RBM47: variants seen among roughly 807,000 people sequenced by gnomAD.
RBM47 encodes RNA-binding protein 47.
Under a neutral mutation model 47.1 loss-of-function variants are expected in RBM47, and 21 were observed. That is an observed-to-expected ratio of 0.45 (90% confidence interval 0.32 to 0.64). The LOEUF is 0.64. Among genes scored for constraint, RBM47 ranks in the 30% least tolerant of loss-of-function variants. The pLI is 0.05. For missense variants in RBM47, 708 were observed against 870.9 expected, an observed-to-expected ratio of 0.81 and a Z score of 2.35; for synonymous variants, 375 against 361.7, an observed-to-expected ratio of 1.04 and a Z score of -0.42.
rs1168654841 is a variant in RBM47 at position 40,520,440 on chromosome 4, T to C, written c.-155+23982A>G. On this transcript the variant is annotated intron_variant, in intron 2 of 6. Transcript: ENST00000295971. Reference sequence around the variant, plus strand: ...TGTGTCTCTGGGGAGTGCTGCTCTATCGCCCCAGGCCTATTCCAAAGCATC... The same window carrying C: ...TGTGTCTCTGGGGAGTGCTGCTCTACCGCCCCAGGCCTATTCCAAAGCATC... Among the ~76,000 whole-genome samples the C allele has an allele frequency of 3.3e-5, 5 of 152,034 alleles. No individual in the cohort carries two copies. In the East Asian group the frequency reaches 7.7e-4, roughly 23 times the overall value.
In RBM47 at chr4:40,437,989, T is replaced by C. The variant is rs777068193; in HGVS notation, c.905A>G (p.Asn302Ser). 1.9e-5 allele frequency: 31 copies of C among 1,613,424 alleles called. No individual in the cohort carries two copies. The highest frequency in any genetic ancestry group is 3.3e-4 in the Middle Eastern group (2 of 6,084). The change falls in exon 4 of 7, where the codon AAC (asparagine) becomes AGC (serine). Residue 302 changes from asparagine (N) to serine (S), a missense_variant. Transcript: ENST00000295971. ...GCACGAGCCCTCCAGCTCAGTGCCG[T>C]TGAGGTTGTTCATGGCATGCACGGC... The part of the protein sequence containing the change: ...EDAVHAMNNL[N>S]GTELEGSCLE...
chr4:40,495,216 A>G (rs1049050487), intron 2 of RBM47, among the ~76,000 whole-genome samples: 1 of 152,188 alleles, frequency 6.6e-6, no homozygotes, highest in African/African-American at 2.4e-5. Flanking sequence ...GGATGGGATG[A>G]CCGAGGTCCC....
chr4:40,577,922 G>A (rs1732495959), intron 1 of RBM47, among the ~76,000 whole-genome samples: 1 of 152,168 alleles, frequency 6.6e-6, no homozygotes, highest in African/African-American at 2.4e-5. Context: ...GAGATGGGAA[G>A]ATGGCTTGAG....
chr4:40,497,054 A>AAG (rs1271446521), intron 2 of RBM47, among the ~76,000 whole-genome samples: 1,668 of 150,032 alleles, frequency 0.011, 45 homozygotes, highest in African/African-American at 0.037. Context: ...AAAAAAAAAA[A>AAG]AAAGAAAGAA....
At chr4:40,592,966 T>C (rs1247357060) in intron 1 of RBM47, among the ~76,000 whole-genome samples, 2 of 18,194 alleles carry the variant, frequency 1.1e-4, no homozygotes, top group Admixed American at 8.6e-4. Context: ...TATATATATA[T>C]ATATATATAT....
At chr4:40,563,425 T>C (rs1730816112) in intron 1 of RBM47, among the ~76,000 whole-genome samples, 1 of 105,610 alleles carries the variant, frequency 9.5e-6, no homozygotes. Flanking sequence ...AATCAAACTC[T>C]GTGCTTGTAT....
In RBM47 at chr4:40,432,666, C is replaced by A; in HGVS notation, c.1527G>T (p.Thr509=). 1 of 1,610,324 alleles carries A rather than the reference C, an allele frequency of 6.2e-7. No individual in the cohort carries two copies. The highest frequency in any genetic ancestry group is 8.5e-7 in the Non-Finnish European group (1 of 1,179,400). Residue 509 remains threonine, a synonymous_variant, in exon 6 of 7, where the codon ACG becomes ACT. Transcript: ENST00000295971. The stretch of plus-strand genomic sequence containing the variant: ...AGAACTCTACCTGGAAAGGTGGTGG[C>A]GTCGACACAGTGGGAATGACAGCGG... The part of the protein sequence containing the change: ...AAAAVIPTVS[T]PPPFQGRPIT...
chr4:40,575,552 CAA>C (rs33963787), intron 1 of RBM47, among the ~76,000 whole-genome samples: 6 of 98,342 alleles, frequency 6.1e-5, no homozygotes, highest in Admixed American at 1.2e-4. Flanking sequence ...AACTCCATCT[CAA>C]AAAAAAAAAA....
intron 2 of RBM47, among the ~76,000 whole-genome samples, chr4:40,467,741 G>A (rs769879048): frequency 1.3e-5 from 2 of 152,104 alleles, no homozygotes; most frequent in Non-Finnish European, 2.9e-5. Context: ...TTCAGATGAG[G>A]AATTAAAATA....
intron 1 of RBM47, among the ~76,000 whole-genome samples, chr4:40,594,082 A>C (rs1734534368): frequency 6.6e-6 from 1 of 152,062 alleles, no homozygotes; most frequent in South Asian, 2.1e-4. Context: ...AAAGAAAGAA[A>C]GAAAAGAAAA....
Position 40,438,778 on chromosome 4 carries a change from A to G in RBM47, c.116T>C (p.Met39Thr), listed in dbSNP as rs1289944697. The change falls in exon 4 of 7, where the codon ATG becomes ACG. Residue 39 changes from methionine to threonine, a missense_variant. By Grantham distance (81) the Met-to-Thr change is moderately conservative (BLOSUM62 -1). Coordinates refer to ENST00000295971, the MANE Select transcript of RBM47 (RefSeq NM_001098634.2). Reference protein sequence around the residue: ...APNEAALLALMERTGYSMVQE... With the variant: ...APNEAALLALTERTGYSMVQE... ...CACCATGCTGTAGCCCGTGCGCTCC[A>G]TCAGCGCCAGCAGTGCTGCCTCGTT... 6.4e-7 allele frequency: 1 copy of G among 1,564,338 alleles called. No individual in the cohort carries two copies. The highest frequency in any genetic ancestry group is 1.9e-5 in the Admixed American group (1 of 53,446).
intron 3 of RBM47, among the ~76,000 whole-genome samples, chr4:40,457,433 A>C (rs913178571): frequency 2.6e-5 from 4 of 151,664 alleles, no homozygotes; most frequent in South Asian, 2.1e-4. Context: ...AAAAAAAAAA[A>C]AAAAACAAAA....
chr4:40,586,927 G>C (rs1385190125), intron 1 of RBM47, among the ~76,000 whole-genome samples: 3 of 152,058 alleles, frequency 2.0e-5, no homozygotes, highest in African/African-American at 7.2e-5. Flanking sequence ...TCAGACAACG[G>C]CATGACCTTG....
intron 3 of RBM47, among the ~76,000 whole-genome samples, chr4:40,439,832 T>C (rs777336334): frequency 2.0e-5 from 3 of 152,182 alleles, no homozygotes; most frequent in African/African-American, 7.2e-5. Context: ...TGATTCCAAG[T>C]TTTCTGGCTC....
chr4:40,472,348 G>A (rs1372266557), intron 2 of RBM47, among the ~76,000 whole-genome samples: 2 of 152,058 alleles, frequency 1.3e-5, no homozygotes, highest in Non-Finnish European at 2.9e-5. Flanking sequence ...GCCAAGGTGG[G>A]TGGATCACCT....
intron 1 of RBM47, among the ~76,000 whole-genome samples, chr4:40,618,706 G>A (rs1415335487): frequency 6.6e-6 from 1 of 150,794 alleles, no homozygotes; most frequent in Non-Finnish European, 1.5e-5. Context: ...CTACTCGGGA[G>A]GCTGAGGCAG....
At chr4:40,541,511 T>TG (rs1474736941) in intron 2 of RBM47, among the ~76,000 whole-genome samples, 22 of 151,794 alleles carry the variant, frequency 1.4e-4, no homozygotes, top group African/African-American at 5.1e-4. Context: ...CAGAGGTGGG[T>TG]GGATTCCCTG....
At chr4:40,446,238 G>T (rs12502913) in intron 3 of RBM47, among the ~76,000 whole-genome samples, 106,815 of 152,014 alleles carry the variant, frequency 0.7, 37,693 homozygotes, top group South Asian at 0.81. Flanking sequence ...TATGGTATAC[G>T]ACTAGGGTCT....
chr4:40,485,896 TAAA>T (rs542807983), intron 2 of RBM47, among the ~76,000 whole-genome samples: 4 of 130,470 alleles, frequency 3.1e-5, no homozygotes, highest in African/African-American at 1.1e-4. Flanking sequence ...GCCATCTGTG[TAAA>T]AAAAAAAAAA....
Sources: gnomAD v4.1 joint callset for allele counts (sites outside exome capture counted in the v4.1 genomes callset) on GRCh38, gnomAD v4.1.1 for gene constraint, MANE v1.5 for transcripts, NCBI Gene and HGNC (gene_info 2026-07-23, HGNC 2026-07-21) for gene names.